The following KCNN2 variants were observed in gnomAD, a reference collection of about 807,000 sequenced individuals.
KCNN2 encodes potassium calcium-activated channel subfamily N member 2.
Under a neutral mutation model 55.5 loss-of-function variants are expected in KCNN2, and 24 were observed. That is an observed-to-expected ratio of 0.43 (90% CI 0.31 to 0.61). The LOEUF (loss-of-function observed/expected upper bound fraction) is 0.61, where lower values mean the gene tolerates loss of function less well. Ranked by LOEUF, KCNN2 falls within the 20% of genes least tolerant of loss-of-function variation. The probability of loss-of-function intolerance (pLI) is 0.08; values close to 1 mark genes in which losing one functional copy is unlikely to be tolerated. For synonymous variants in KCNN2, 431 were observed against 336.1 expected (o/e 1.28, Z -3.09); for missense variants, 754 against 853.6 (o/e 0.88, Z 1.45).
chr5:114,126,044 T>G (rs1266471658), intron 1 of KCNN2, among the ~76,000 whole-genome samples: 1 of 152,150 alleles, frequency 6.6e-6, no homozygotes, highest in Admixed American at 6.5e-5. Flanking sequence ...CCTTGGGTTA[T>G]ACATACATAA....
chr5:114,140,272 G>A (rs1238908495), intron 1 of KCNN2, among the ~76,000 whole-genome samples: 1 of 152,120 alleles, frequency 6.6e-6, no homozygotes, highest in Non-Finnish European at 1.5e-5. Context: ...TATAGTACGA[G>A]GTTTATTATC....
intron 1 of KCNN2, among the ~76,000 whole-genome samples, chr5:114,213,425 C>T (rs528519446): frequency 2.5e-3 from 380 of 149,674 alleles, no homozygotes; most frequent in African/African-American, 9.0e-3. Context: ...TCAGTTTCTT[C>T]TTCTTCTTTT....
At chr5:114,388,185 T>C (rs1246652800) in intron 2 of KCNN2, among the ~76,000 whole-genome samples, 3 of 152,230 alleles carry the variant, frequency 2.0e-5, no homozygotes, top group Non-Finnish European at 2.9e-5. Flanking sequence ...ACTGTTATTT[T>C]TGTACTTATT....
rs77992230 is a variant in KCNN2, at chr5:114,381,560, C to A, written c.1218+17559C>A. Among the ~76,000 whole-genome samples the A allele has an allele frequency of 3.9e-3, 591 of 152,294 alleles. 13 individuals are homozygous for A. The East Asian group carries it at 0.05, about 13-fold the overall frequency. On this transcript the variant is annotated intron_variant, in intron 2 of 7. Coordinates refer to ENST00000673685, the MANE Select transcript of KCNN2 (RefSeq NM_021614.4). ...AGACACAGAGACTCTTCTCTGGGCC[C>A]GCTTGTGTCCCTCCAAGAGGATCAC...
intron 2 of KCNN2, among the ~76,000 whole-genome samples, chr5:114,275,566 G>T (rs6594808): frequency 6.6e-6 from 1 of 152,042 alleles, no homozygotes; most frequent in African/African-American, 2.4e-5. Flanking sequence ...GTCTTGGGGG[G>T]TGTATGTGTC....
At chr5:114,166,032 T>G (rs752556147) in intron 1 of KCNN2, among the ~76,000 whole-genome samples, 3 of 152,066 alleles carry the variant, frequency 2.0e-5, no homozygotes, top group Admixed American at 6.6e-5. Context: ...TTAAAAACAT[T>G]TCTTCTTATG....
At chr5:114,394,384 G>C (rs1387846506) in intron 2 of KCNN2, among the ~76,000 whole-genome samples, 1 of 152,116 alleles carries the variant, frequency 6.6e-6, no homozygotes. Context: ...AGGGAGGTTA[G>C]TCCTTTGTGA....
intron 1 of KCNN2, among the ~76,000 whole-genome samples, chr5:114,137,155 C>G (rs1313356242): frequency 6.6e-6 from 1 of 152,172 alleles, no homozygotes; most frequent in Non-Finnish European, 1.5e-5. Context: ...CCTGCTGCCA[C>G]TGTAATCATT....
chr5:114,176,791 G>A (rs1409201992), intron 1 of KCNN2, among the ~76,000 whole-genome samples: 1 of 152,108 alleles, frequency 6.6e-6, no homozygotes, highest in Non-Finnish European at 1.5e-5. Flanking sequence ...ACTGGTTAAT[G>A]TTTTATGAGG....
chr5:114,371,048 G>A (rs1757748975), intron 2 of KCNN2, among the ~76,000 whole-genome samples: 1 of 152,156 alleles, frequency 6.6e-6, no homozygotes, highest in African/African-American at 2.4e-5. Context: ...GCTGATTGGA[G>A]GTAGAACAGA....
At chr5:114,106,545 G>GT (rs1051958760) in intron 1 of KCNN2, among the ~76,000 whole-genome samples, 7 of 143,834 alleles carry the variant, frequency 4.9e-5, no homozygotes, top group South Asian at 2.2e-4. Context: ...ATTCTTGTTT[G>GT]TTTTTTTTAA....
chr5:114,203,863 C>A (rs1285856017), intron 1 of KCNN2, among the ~76,000 whole-genome samples: 11 of 152,162 alleles, frequency 7.2e-5, no homozygotes, highest in Non-Finnish European at 1.3e-4. Context: ...AGAAACTATA[C>A]CGAATAAAGA....
At chr5:114,198,459 CAT>C (rs979801366) in intron 1 of KCNN2, among the ~76,000 whole-genome samples, 14 of 98,894 alleles carry the variant, frequency 1.4e-4, no homozygotes, top group African/African-American at 4.3e-4. Flanking sequence ...CATATATATA[CAT>C]ATACACACAC....
chr5:114,489,741 T>C (rs544211253), intron 6 of KCNN2, among the ~76,000 whole-genome samples: 2 of 152,278 alleles, frequency 1.3e-5, no homozygotes, highest in East Asian at 3.9e-4. Flanking sequence ...AGTGAAGTCA[T>C]AGGGGAAGCA....
intron 6 of KCNN2, among the ~76,000 whole-genome samples, chr5:114,491,246 C>T (rs1162607361): frequency 6.6e-6 from 1 of 152,140 alleles, no homozygotes; most frequent in Non-Finnish European, 1.5e-5. Flanking sequence ...TTTCTCTGTA[C>T]TCATTACTTG....
rs370172975 is a variant in KCNN2, at chr5:114,247,202, C to CAAAAAAAA, written c.-185+25651_-185+25658dup. On this transcript the variant is annotated intron_variant, in intron 2 of 10. Transcript: ENST00000512097. ...AGCCAGGCATGGTACCATATGTCTC[C>CAAAAAAAA]AAAAAAAAAAAAAAAAAAAAAGAAA... is the stretch of plus-strand genomic sequence containing the variant. Among the ~76,000 whole-genome samples the CAAAAAAAA allele has an allele frequency of 1.9e-3, 127 of 68,078 alleles. 2 individuals are homozygous for CAAAAAAAA. The highest frequency in any genetic ancestry group is 6.7e-3 in the African/African-American group (115 of 17,196). 44.7% of individuals were successfully genotyped at this position (68,078 alleles called of 152,430 possible).
chr5:114,118,978 A>C (rs146016955), intron 1 of KCNN2, among the ~76,000 whole-genome samples: 100 of 152,272 alleles, frequency 6.6e-4, no homozygotes, highest in Non-Finnish European at 1.2e-3. Context: ...CAGTTTCTTC[A>C]TATAGAAGAG....
intron 1 of KCNN2, among the ~76,000 whole-genome samples, chr5:114,150,019 A>T (rs952150206): frequency 3.3e-5 from 5 of 152,036 alleles, no homozygotes; most frequent in African/African-American, 1.2e-4. Flanking sequence ...CTTTTCTGGG[A>T]TAGGAATCTT....
At chr5:114,174,265 G>A (rs1222657601) in intron 1 of KCNN2, among the ~76,000 whole-genome samples, 1 of 152,064 alleles carries the variant, frequency 6.6e-6, no homozygotes, top group African/African-American at 2.4e-5. Context: ...GAACCCTGCT[G>A]GAGACAGTGA....
Sources: gnomAD v4.1 joint callset for allele counts (sites outside exome capture counted in the v4.1 genomes callset) on GRCh38, gnomAD v4.1.1 for gene constraint, MANE v1.5 for transcripts, NCBI Gene and HGNC (gene_info 2026-07-23, HGNC 2026-07-21) for gene names.